The following TNRC18 variants were observed in gnomAD, a reference collection of about 807,000 sequenced individuals.
TNRC18 encodes the protein trinucleotide repeat-containing gene 18 protein.
In TNRC18, 69 loss-of-function variants were observed where a neutral mutation model predicts 226.7. The observed-to-expected ratio is 0.30, with a 90% CI of 0.25 to 0.37. The LOEUF is 0.37. Among genes scored for constraint, TNRC18 ranks in the 10% least tolerant of loss-of-function variants. The pLI is 1.00. For synonymous variants in TNRC18, 2,449 were observed against 1,927.6 expected, an observed-to-expected ratio of 1.27 and a Z score of -7.09; for missense variants, 4,754 against 4,256.6, an observed-to-expected ratio of 1.12 and a Z score of -3.25.
At position 5,387,887 on chromosome 7, in the gene TNRC18, C is replaced by G. The variant is rs1405267170; in HGVS notation, c.1937G>C (p.Gly646Ala). Residue 646 changes from glycine to alanine, a missense_variant, in exon 5 of 30, where the codon GGC (glycine) becomes GCC (alanine). By Grantham distance (60) the Gly-to-Ala change is moderately conservative. Coordinates refer to ENST00000430969, the MANE Select transcript of TNRC18 (RefSeq NM_001080495.3). ...GTCCCGCTTCAGCTGCCGGCCGCCGCCCGCTGCAGGGCCTCCGGAGTGTGG... is the reference window on the plus strand; with the variant it reads ...GTCCCGCTTCAGCTGCCGGCCGCCGGCCGCTGCAGGGCCTCCGGAGTGTGG... ...RLPHSGGPAA[G>A]GGRQLKRDPE... The G allele has an allele frequency of 6.3e-7, 1 of 1,590,892 alleles. No homozygotes were observed. Among genetic ancestry groups the G allele is most frequent in the Admixed American group, 1.8e-5 (1 of 56,532 alleles).
intron 19 of TNRC18, among the ~76,000 whole-genome samples, chr7:5,327,396 T>C (rs1442035609): frequency 2.7e-5 from 4 of 147,938 alleles, no homozygotes; most frequent in Non-Finnish European, 6.0e-5. Context: ...TGTGTGTGTG[T>C]GTGTGTGTGT....
At chr7:5,334,203 C>A (rs1230281553) in intron 18 of TNRC18, among the ~76,000 whole-genome samples, 1 of 152,246 alleles carries the variant, frequency 6.6e-6, no homozygotes, top group Non-Finnish European at 1.5e-5. Flanking sequence ...TTGCTCTGCA[C>A]TGCCCCGGTA....
Position 5,308,265 on chromosome 7 carries a change from C to G in TNRC18, c.8748G>C (p.Thr2916=). Residue 2916 remains threonine (T), a synonymous_variant, in exon 30 of 30, where the codon ACG becomes ACC. Transcript: ENST00000430969. ...SSHVDENDVQ[T]VSHKCLVVGL... is the part of the protein sequence containing the mutation. ...CCACCACCAGGCACTTGTGCGACAC[C>G]GTCTGCACGTCATTTTCGTCCACAT... 2 of 1,613,068 alleles carry G rather than the reference C, an allele frequency of 1.2e-6. No individual in the cohort carries two copies. Among genetic ancestry groups the G allele is most frequent in the Non-Finnish European group, 8.5e-7 (1 of 1,179,550 alleles).
intron 27 of TNRC18, among the ~76,000 whole-genome samples, chr7:5,310,878 G>A (rs933127024): frequency 1.3e-5 from 2 of 152,360 alleles, no homozygotes; most frequent in African/African-American, 2.4e-5. Context: ...ATGTGCCTGT[G>A]TGTGCACATG....
At chr7:5,340,968 C>T (rs1032698213) in intron 18 of TNRC18, among the ~76,000 whole-genome samples, 1 of 152,046 alleles carries the variant, frequency 6.6e-6, no homozygotes, top group Non-Finnish European at 1.5e-5. Context: ...GAAGTCAGTG[C>T]CTGGTTTAAA....
intron 19 of TNRC18, among the ~76,000 whole-genome samples, chr7:5,330,693 A>T (rs1789433729): frequency 6.6e-6 from 1 of 151,944 alleles, no homozygotes; most frequent in Non-Finnish European, 1.5e-5. Flanking sequence ...TTATTTTTGG[A>T]GACAGAGTCT....
At chr7:5,308,363 A>C (rs1025817913) in intron 29 of TNRC18, 51 bp from the exon 30 acceptor site, 1 of 1,510,968 alleles carries the variant, frequency 6.6e-7, no homozygotes, top group Admixed American at 2.0e-5. Context: ...ACAGAGGCCG[A>C]GGGAGCCCCA....
chr7:5,395,699 C>T (rs2128204399), intron 2 of TNRC18, among the ~76,000 whole-genome samples: 1 of 152,354 alleles, frequency 6.6e-6, no homozygotes, highest in South Asian at 2.1e-4. Context: ...ACCACAATGA[C>T]AATATAATGA....
intron 19 of TNRC18, among the ~76,000 whole-genome samples, chr7:5,331,086 G>C (rs964251693): frequency 2.0e-5 from 3 of 152,188 alleles, no homozygotes; most frequent in Non-Finnish European, 4.4e-5. Context: ...GGTGCCTATG[G>C]ATGGTGCTTA....
intron 14 of TNRC18, 53 bp from the exon 15 acceptor site, chr7:5,359,622 G>A: frequency 6.2e-7 from 1 of 1,606,354 alleles, no homozygotes; most frequent in Non-Finnish European, 8.5e-7. Context: ...AGGCTCGCAG[G>A]CTGAGGTCCA....
At chr7:5,373,721 G>A (rs1435746527) in intron 10 of TNRC18, among the ~76,000 whole-genome samples, 1 of 152,126 alleles carries the variant, frequency 6.6e-6, no homozygotes, top group Non-Finnish European at 1.5e-5. Context: ...GGTGTCCCTG[G>A]ACCATCATCA....
intron 18 of TNRC18, among the ~76,000 whole-genome samples, chr7:5,338,131 G>T (rs1236653210): frequency 6.6e-6 from 1 of 152,032 alleles, no homozygotes; most frequent in African/African-American, 2.4e-5. Context: ...AAAAAAACAT[G>T]GTAAGTGGAT....
At chr7:5,396,622 G>C (rs1043940914) in intron 2 of TNRC18, among the ~76,000 whole-genome samples, 2 of 152,310 alleles carry the variant, frequency 1.3e-5, no homozygotes, top group Non-Finnish European at 2.9e-5. Context: ...AATCCTCCCA[G>C]CAACACCCTC....
At chr7:5,308,411 C>CAGGGACAGAGAAGCAGAGGGAGCCA (rs1554266346) in intron 29 of TNRC18, 99 bp from the exon 30 acceptor site, 1 of 1,133,140 alleles carries the variant, frequency 8.8e-7, no homozygotes, top group African/African-American at 1.6e-5. Flanking sequence ...AGAGGGAGCC[C>CAGGGACAGAGAAGCAGAGGGAGCCA]CAGGGACTGA....
intron 17 of TNRC18, among the ~76,000 whole-genome samples, chr7:5,349,531 G>A (rs917685110): frequency 6.6e-6 from 1 of 152,240 alleles, no homozygotes; most frequent in African/African-American, 2.4e-5. Flanking sequence ...GCTGCTGCCA[G>A]ACCCGGTGGG....
Position 5,352,017 on chromosome 7 carries a change from G to A in TNRC18, c.5272C>T (p.Pro1758Ser), listed in dbSNP as rs1344229769. 1.2e-6 allele frequency: 2 copies of A among 1,613,866 alleles called. No homozygotes were observed. Among genetic ancestry groups the A allele is most frequent in the Admixed American group, 3.3e-5 (2 of 60,008 alleles). ...AQGPSSSKLT[P>S]SLLCSMVAKN... is the part of the protein sequence containing the mutation. ...GCCACCATGCTACACAGGAGGGAAG[G>A]CGTCAGTTTGGAGCTGGAGGGGCCT... Residue 1758 changes from proline to serine, a missense_variant, in exon 17 of 30, where the codon CCT becomes TCT. By Grantham distance (74) the Pro-to-Ser change is moderately conservative. Coordinates refer to ENST00000430969, the MANE Select transcript of TNRC18 (RefSeq NM_001080495.3).
chr7:5,313,807 A>C lies in TNRC18; in HGVS notation c.7084T>G (p.Leu2362Val). ...GGGGTGCTGCTCGGCTCCAGGGCTA[A>C]GGGGGTACTGGGGACCTCGTCTGTT... Reference protein sequence around the residue: ...NPTDEVPSTPLALEPSSTPGS... With the variant: ...NPTDEVPSTPVALEPSSTPGS... The change falls in exon 27 of 30, where the codon TTA (leucine) becomes GTA (valine). Residue 2362 changes from leucine (L) to valine (V), a missense_variant. Transcript: ENST00000430969. The C allele has an allele frequency of 6.6e-7, 1 of 1,521,500 alleles. No homozygotes were observed. The highest frequency in any genetic ancestry group is 8.8e-7 in the Non-Finnish European group (1 of 1,135,128). 94.2% of individuals were successfully genotyped at this position (1,521,500 alleles called of 1,614,324 possible).
At chr7:5,414,306 T>C (rs958049570) in intron 2 of TNRC18, among the ~76,000 whole-genome samples, 1 of 150,592 alleles carries the variant, frequency 6.6e-6, no homozygotes, top group Non-Finnish European at 1.5e-5. Flanking sequence ...ATATATATTA[T>C]ATATGTATAT....
chr7:5,320,782 C>A, intron 22 of TNRC18, 175 bp from the exon 23 acceptor site: 1 of 645,276 alleles, frequency 1.5e-6, no homozygotes, highest in Non-Finnish European at 2.7e-6. Flanking sequence ...TTTTCCTCAT[C>A]TGTAGGACTA....
Sources: allele counts gnomAD v4.1 joint callset (sites outside exome capture counted in the v4.1 genomes callset), GRCh38; gene constraint gnomAD v4.1.1; transcripts MANE v1.5; gene names NCBI Gene and HGNC (gene_info 2026-07-23, HGNC 2026-07-21).